Variants in DBX2 observed in about 807,000 individuals in gnomAD.
DBX2 encodes homeobox protein DBX2.
Under a neutral mutation model 17.7 loss-of-function variants are expected in DBX2, and 16 were observed. The observed-to-expected ratio is 0.90, with a 90% CI of 0.61 to 1.37. The LOEUF (loss-of-function observed/expected upper bound fraction) is 1.37, where lower values mean the gene tolerates loss of function less well. DBX2 is among the 40% of genes most tolerant of loss of function. The pLI, the probability that DBX2 is intolerant of heterozygous loss-of-function variation, is 0.00. For synonymous variants in DBX2, 255 were observed against 183.8 expected, an observed-to-expected ratio of 1.39 and a Z score of -3.13; for missense variants, 538 against 433.8, an observed-to-expected ratio of 1.24 and a Z score of -2.13.
At chr12:45,047,059 A>C (rs569825135) in intron 1 of DBX2, among the ~76,000 whole-genome samples, 1 of 152,336 alleles carries the variant, frequency 6.6e-6, no homozygotes, top group African/African-American at 2.4e-5. Context: ...ATTAATAAAC[A>C]TGACTATTTG....
chr12:45,050,661 G>A lies in DBX2; in HGVS notation c.267C>T (p.Ala89=). 1 of 1,548,970 alleles carries A rather than the reference G, an allele frequency of 6.5e-7. No homozygotes were observed. The highest frequency in any genetic ancestry group is 1.2e-5 in the South Asian group (1 of 84,024). ...SPVPLKLCPA[A]EQVSPAGAPY... is the part of the protein sequence containing the mutation. ...GCGCCCCGGCGGGGCTAACTTGTTCGGCTGCGGGGCACAGCTTTAGGGGAA... is the reference window on the plus strand; with the variant it reads ...GCGCCCCGGCGGGGCTAACTTGTTCAGCTGCGGGGCACAGCTTTAGGGGAA... The change falls in exon 1 of 4, where the codon GCC becomes GCT. Residue 89 remains alanine (A), a synonymous_variant. Coordinates refer to ENST00000332700, the MANE Select transcript of DBX2 (RefSeq NM_001004329.3).
intron 2 of DBX2, among the ~76,000 whole-genome samples, chr12:45,034,224 T>A (rs1428204413): frequency 1.3e-5 from 2 of 152,062 alleles, no homozygotes; most frequent in African/African-American, 2.4e-5. Context: ...TTTTCTGAAG[T>A]AAAAACCCAG....
At chr12:45,027,465 T>C (rs1307221602) in intron 2 of DBX2, among the ~76,000 whole-genome samples, 1 of 152,118 alleles carries the variant, frequency 6.6e-6, no homozygotes, top group African/African-American at 2.4e-5. Flanking sequence ...ATTACAGCAA[T>C]AAGTATTAAA....
intron 1 of DBX2, among the ~76,000 whole-genome samples, chr12:45,040,156 G>A (rs1442927001): frequency 6.6e-6 from 1 of 152,114 alleles, no homozygotes; most frequent in Non-Finnish European, 1.5e-5. Flanking sequence ...CTAATCAGCT[G>A]CCAGTGCAGA....
rs1478545558 is a variant in DBX2, at chr12:45,031,177, CCTT to C, written c.499+4839_499+4841del. On this transcript the variant is annotated intron_variant, in intron 2 of 3. Transcript: ENST00000332700. Reference sequence around the variant, plus strand: ...TCTCTTTCATGAAGAGCTTCCTTACCCTTCTTATTTTCAAGTGTGTGTGTGTGT... The same window carrying C: ...TCTCTTTCATGAAGAGCTTCCTTACCCTTATTTTCAAGTGTGTGTGTGTGT... Among the ~76,000 whole-genome samples, 13 of 127,286 alleles carry C rather than the reference CCTT, an allele frequency of 1.0e-4. No homozygotes were observed. In the Admixed American group the frequency reaches 1.1e-3, roughly 11 times the overall value. The allele number at this position is 127,286 out of a possible 152,430, so 83.5% of individuals were successfully genotyped here. A position where few individuals can be genotyped will look rare whatever the true frequency, so the allele number is the denominator to read the frequency against.
At chr12:45,020,312 T>G (rs1946345059) in intron 3 of DBX2, among the ~76,000 whole-genome samples, 1 of 152,150 alleles carries the variant, frequency 6.6e-6, no homozygotes. Context: ...GTAACTGAGT[T>G]CTTTCACTCA....
In DBX2 at chr12:45,016,517, A is replaced by T; in HGVS notation, c.789T>A (p.Asp263Glu). 6.2e-7 allele frequency: 1 copy of T among 1,612,814 alleles called. No individual in the cohort carries two copies. Among genetic ancestry groups the T allele is most frequent in the African/African-American group, 1.3e-5 (1 of 74,954 alleles). ...AACCCAGAGCAGACCGTGAGAGGGG[A>T]TCCTCTTGAAGACCTACTTCTTGGA... is the stretch of plus-strand genomic sequence containing the variant. ...RCIQEVGLQE[D>E]PLSRSALGFP... The change falls in exon 4 of 4, where the codon GAT becomes GAA. Residue 263 changes from aspartate (D) to glutamate (E), a missense_variant. Transcript: ENST00000332700.
At chr12:45,016,767 G>A (rs549124019) in intron 3 of DBX2, 149 bp from the exon 4 acceptor site, 3 of 572,452 alleles carry the variant, frequency 5.2e-6, no homozygotes, top group East Asian at 3.4e-5. Context: ...TTTCACATGG[G>A]CTCCTTCAAA....
Position 45,016,489 on chromosome 12 carries a change from G to C in DBX2, c.817C>G (p.Pro273Ala), listed in dbSNP as rs370416460. ...TCCCATATTGAAGGACATGGAGAAGGGAAACCCAGAGCAGACCGTGAGAGG... is the reference window on the plus strand; with the variant it reads ...TCCCATATTGAAGGACATGGAGAAGCGAAACCCAGAGCAGACCGTGAGAGG... ...DPLSRSALGF[P>A]SPCPSIWDVP... Residue 273 changes from proline (P) to alanine (A), a missense_variant, in exon 4 of 4, where the codon CCT (proline) becomes GCT (alanine). Physicochemically the swap from Pro to Ala is conservative, Grantham distance 27. Transcript: ENST00000332700. 1.9e-6 allele frequency: 3 copies of C among 1,613,866 alleles called. No individual in the cohort carries two copies. Among genetic ancestry groups the C allele is most frequent in the Non-Finnish European group, 2.5e-6 (3 of 1,179,936 alleles).
Position 45,026,688 on chromosome 12 carries a change from G to A in DBX2, c.500-2794C>T, listed in dbSNP as rs572346269. On this transcript the variant is annotated intron_variant, in intron 2 of 3. Coordinates refer to ENST00000332700, the MANE Select transcript of DBX2 (RefSeq NM_001004329.3). ...TCTAAAAGATTACAAACATCTCCTG[G>A]CTAAGCCCTGGGTTACATCTCATTA... Among the ~76,000 whole-genome samples the A allele has an allele frequency of 4.6e-5, 7 of 152,262 alleles. No individual in the cohort carries two copies. The South Asian group carries it at 1.2e-3, about 27-fold the overall frequency.
intron 3 of DBX2, among the ~76,000 whole-genome samples, chr12:45,022,541 T>C (rs1163478631): frequency 1.3e-5 from 2 of 152,098 alleles, no homozygotes; most frequent in Admixed American, 6.5e-5. Flanking sequence ...CCTGACCTCA[T>C]GATCCGCCCA....
chr12:45,039,968 G>A (rs1425260450), intron 1 of DBX2, among the ~76,000 whole-genome samples: 3 of 151,992 alleles, frequency 2.0e-5, no homozygotes, highest in African/African-American at 4.8e-5. Flanking sequence ...ACAACATCTC[G>A]AGACACTCCA....
intron 1 of DBX2, among the ~76,000 whole-genome samples, chr12:45,049,927 T>A (rs1482807061): frequency 6.6e-6 from 1 of 152,130 alleles, no homozygotes; most frequent in Non-Finnish European, 1.5e-5. Flanking sequence ...TCAGCACAAA[T>A]AAAAAGTCGG....
At chr12:45,023,288 G>T (rs1946363135) in intron 3 of DBX2, among the ~76,000 whole-genome samples, 1 of 152,188 alleles carries the variant, frequency 6.6e-6, no homozygotes, top group African/African-American at 2.4e-5. Context: ...TTTTGGATTG[G>T]AAGTGAAAAG....
intron 3 of DBX2, among the ~76,000 whole-genome samples, chr12:45,017,703 A>G (rs577024264): frequency 3.0e-4 from 45 of 152,328 alleles, no homozygotes; most frequent in African/African-American, 1.1e-3. Context: ...AAAAGAGGTT[A>G]GTCTTTATTA....
At chr12:45,044,650 T>G (rs1252074119) in intron 1 of DBX2, among the ~76,000 whole-genome samples, 1 of 152,172 alleles carries the variant, frequency 6.6e-6, no homozygotes, top group Non-Finnish European at 1.5e-5. Flanking sequence ...CCTTTTTGTT[T>G]TCCTTTCCTT....
chr12:45,046,221 T>C (rs1331377516), intron 1 of DBX2, among the ~76,000 whole-genome samples: 2 of 152,190 alleles, frequency 1.3e-5, no homozygotes, highest in African/African-American at 4.8e-5. Flanking sequence ...TGATTACTCA[T>C]GAACTAGGTA....
rs923886688 is a variant in DBX2, at chr12:45,016,194, C to T, written c.*92G>A. ...TACATCGCTCCAAAGTTGTTAGGCT[C>T]TAAGCACTGATGAGGTACAAGCTAG... On this transcript the variant is annotated 3_prime_UTR_variant, in exon 4 of 4. Transcript: ENST00000332700. 1 of 1,370,494 alleles carries T rather than the reference C, an allele frequency of 7.3e-7. No homozygotes were observed. Among genetic ancestry groups the T allele is most frequent in the African/African-American group, 1.5e-5 (1 of 68,126 alleles). The allele number at this position is 1,370,494 out of a possible 1,614,324, so 84.9% of individuals were successfully genotyped here. A position where few individuals can be genotyped will look rare whatever the true frequency, so the allele number is the denominator to read the frequency against.
At chr12:45,019,861 C>T (rs749776452) in intron 3 of DBX2, among the ~76,000 whole-genome samples, 10 of 152,160 alleles carry the variant, frequency 6.6e-5, no homozygotes, top group Non-Finnish European at 1.2e-4. Flanking sequence ...TGCCCACCAT[C>T]GGTAAATGGA....
Sources: allele counts gnomAD v4.1 joint callset (sites outside exome capture counted in the v4.1 genomes callset), GRCh38; gene constraint gnomAD v4.1.1; transcripts MANE v1.5; gene names NCBI Gene and HGNC (gene_info 2026-07-23, HGNC 2026-07-21).